The following FBN2 variants were observed in gnomAD, a reference collection of about 807,000 sequenced individuals.
The protein encoded by FBN2 is fibrillin-2.
A neutral mutation model predicts 355.6 loss-of-function variants in FBN2; 105 were observed. The ratio of observed to expected loss-of-function variants is 0.30; its 90% CI spans 0.25 to 0.35. The LOEUF is 0.35. Among genes scored for constraint, FBN2 ranks in the 10% least tolerant of loss-of-function variants. FBN2 has a pLI of 1.00. For missense variants in FBN2, 3,280 were observed against 3,758.7 expected (o/e 0.87, Z 3.33); for synonymous variants, 1,350 against 1,301.2 (o/e 1.04, Z -0.81).
intron 6 of FBN2, among the ~76,000 whole-genome samples, chr5:128,461,606 G>A (rs893732160): frequency 1.3e-5 from 2 of 151,998 alleles, no homozygotes; most frequent in African/African-American, 4.8e-5. Flanking sequence ...AACCCAAATG[G>A]CCATCAATGA....
chr5:128,472,863 A>AT (rs1162488192), intron 5 of FBN2, among the ~76,000 whole-genome samples: 2 of 152,192 alleles, frequency 1.3e-5, no homozygotes, highest in South Asian at 4.1e-4. Context: ...TTAAAAATAA[A>AT]TATTTAAAAA....
At chr5:128,442,828 G>A (rs761517078) in intron 7 of FBN2, among the ~76,000 whole-genome samples, 12 of 152,064 alleles carry the variant, frequency 7.9e-5, no homozygotes, top group Non-Finnish European at 1.2e-4. Flanking sequence ...TCTGCTTTGG[G>A]TTCAGATTTA....
At chr5:128,383,151 C>G (rs1250332844) in intron 11 of FBN2, among the ~76,000 whole-genome samples, 1 of 152,072 alleles carries the variant, frequency 6.6e-6, no homozygotes, top group East Asian at 1.9e-4. Flanking sequence ...ATGCAGCAAG[C>G]CCCTAAGTAG....
chr5:128,419,761 C>T (rs1239349509), intron 7 of FBN2, among the ~76,000 whole-genome samples: 5 of 152,182 alleles, frequency 3.3e-5, no homozygotes, highest in South Asian at 2.1e-4. Flanking sequence ...GGCATGATCT[C>T]GGCTCACCAA....
intron 5 of FBN2, among the ~76,000 whole-genome samples, chr5:128,469,262 A>T (rs1161237141): frequency 6.6e-6 from 1 of 152,196 alleles, no homozygotes; most frequent in Non-Finnish European, 1.5e-5. Context: ...AGCAAGGTGC[A>T]CCTAGGGTAG....
chr5:128,345,617 G>T, intron 23 of FBN2, 33 bp from the exon 24 acceptor site: 2 of 1,561,804 alleles, frequency 1.3e-6, no homozygotes, highest in South Asian at 2.2e-5. Flanking sequence ...GGGTGAGAAT[G>T]AGTTGAAACA....
intron 5 of FBN2, among the ~76,000 whole-genome samples, chr5:128,512,019 T>C (rs1442111821): frequency 6.6e-6 from 1 of 152,072 alleles, no homozygotes; most frequent in Non-Finnish European, 1.5e-5. Context: ...TAAAAACATG[T>C]CAAAACAAGA....
chr5:128,318,600 T>C (rs1169728863), intron 35 of FBN2, among the ~76,000 whole-genome samples: 1 of 151,802 alleles, frequency 6.6e-6, no homozygotes, highest in Non-Finnish European at 1.5e-5. Flanking sequence ...ATACATGTAC[T>C]ATATATACAT....
chr5:128,519,799 G>T (rs1035769315), intron 4 of FBN2, among the ~76,000 whole-genome samples: 1 of 151,648 alleles, frequency 6.6e-6, no homozygotes, highest in Admixed American at 6.6e-5. Context: ...CACAGGGAAG[G>T]AGTAGGAGGA....
chr5:128,532,905 TG>T (rs1205601616), intron 2 of FBN2, among the ~76,000 whole-genome samples: 2 of 152,128 alleles, frequency 1.3e-5, no homozygotes, highest in Non-Finnish European at 2.9e-5. Flanking sequence ...CCTTGCACAT[TG>T]GCATGTGCCC....
At chr5:128,291,741 T>A (rs972998495) in intron 48 of FBN2, 87 bp from the exon 49 acceptor site, 22 of 1,185,104 alleles carry the variant, frequency 1.9e-5, no homozygotes, top group Admixed American at 5.1e-5. Context: ...AGCCAGCTGA[T>A]ATTTCAGACA....
At chr5:128,390,065 C>T (rs1752471009) in intron 11 of FBN2, among the ~76,000 whole-genome samples, 1 of 152,006 alleles carries the variant, frequency 6.6e-6, no homozygotes, top group South Asian at 2.1e-4. Context: ...CTAATGTAAC[C>T]CCTAACTACT....
At chr5:128,359,102 C>T (rs1352766382) in intron 19 of FBN2, among the ~76,000 whole-genome samples, 2 of 151,992 alleles carry the variant, frequency 1.3e-5, no homozygotes, top group Non-Finnish European at 2.9e-5. Flanking sequence ...TTAACTTTCA[C>T]AGACTCTCAG....
At chr5:128,311,536 A>C in intron 38 of FBN2, 111 bp from the exon 39 acceptor site, 1 of 1,139,746 alleles carries the variant, frequency 8.8e-7, no homozygotes. Context: ...CTATGCATCC[A>C]AATGAACGCA....
intron 59 of FBN2, among the ~76,000 whole-genome samples, chr5:128,275,632 C>A (rs1765375380): frequency 6.6e-6 from 1 of 151,924 alleles, no homozygotes; most frequent in South Asian, 2.1e-4. Flanking sequence ...TTTGATACTA[C>A]CTAAGCAAAA....
At chr5:128,301,592 T>C in intron 46 of FBN2, 82 bp from the exon 47 acceptor site, 2 of 1,334,354 alleles carry the variant, frequency 1.5e-6, no homozygotes, top group East Asian at 2.3e-5. Context: ...AAAAACATAC[T>C]TATTGGCATG....
In FBN2 at chr5:128,330,633, G is replaced by C; in HGVS notation, c.4285C>G (p.Pro1429Ala). The stretch of plus-strand genomic sequence containing the variant: ...GAGCAGGCACAGCGGTATGAGCCCG[G>C]GGTATTTACACACTGAGCATTGATG... ...CSINAQCVNT[P>A]GSYRCACSEG... Residue 1429 changes from proline to alanine, a missense_variant, in exon 33 of 65, where the codon CCG becomes GCG. Physicochemically the swap from Pro to Ala is conservative, Grantham distance 27. Transcript: ENST00000262464. 6.2e-7 allele frequency: 1 copy of C among 1,613,956 alleles called. No individual in the cohort carries two copies. The highest frequency in any genetic ancestry group is 8.5e-7 in the Non-Finnish European group (1 of 1,179,862).
At chr5:128,263,398 A>G in intron 63 of FBN2, 27 bp downstream of exon 63, 1 of 1,536,360 alleles carries the variant, frequency 6.5e-7, no homozygotes, top group Non-Finnish European at 9.0e-7. Flanking sequence ...GTATTCCTCT[A>G]TGTGCTGAGG....
chr5:128,525,619 C>T (rs892816706), intron 4 of FBN2, among the ~76,000 whole-genome samples: 4 of 152,092 alleles, frequency 2.6e-5, no homozygotes, highest in South Asian at 2.1e-4. Context: ...CTGGCCTCAA[C>T]GTATTGTATT....
Sources: allele counts gnomAD v4.1 joint callset (sites outside exome capture counted in the v4.1 genomes callset), GRCh38; gene constraint gnomAD v4.1.1; transcripts MANE v1.5; gene names NCBI Gene and HGNC (gene_info 2026-07-23, HGNC 2026-07-21).